Variants in KATNIP observed in about 807,000 individuals in gnomAD.
The protein encoded by KATNIP is katanin-interacting protein.
Under a neutral mutation model 174.0 loss-of-function variants are expected in KATNIP, and 126 were observed. The observed-to-expected ratio is 0.72, with a 90% CI of 0.63 to 0.84. The LOEUF is 0.84. Ranked by LOEUF, KATNIP falls within the 40% of genes least tolerant of loss-of-function variation. KATNIP has a pLI of 0.00. For synonymous variants in KATNIP, 810 were observed against 835.7 expected (o/e 0.97, Z 0.53); for missense variants, 1,958 against 2,109.7 (o/e 0.93, Z 1.41).
At chr16:27,678,757 C>T (rs971865366) in intron 7 of KATNIP, among the ~76,000 whole-genome samples, 1 of 152,138 alleles carries the variant, frequency 6.6e-6, no homozygotes, top group Admixed American at 6.5e-5. Context: ...CACGATAGTG[C>T]GGTAAAGCTC....
intron 6 of KATNIP, 107 bp downstream of exon 6, chr16:27,648,842 A>G: frequency 8.0e-7 from 1 of 1,250,072 alleles, no homozygotes. Flanking sequence ...TCTGTCCTTC[A>G]CTCGCCGCTG....
chr16:27,648,085 A>T (rs1319539281), intron 5 of KATNIP, among the ~76,000 whole-genome samples: 1 of 152,170 alleles, frequency 6.6e-6, no homozygotes, highest in African/African-American at 2.4e-5. Context: ...ACTTGAGGCC[A>T]GGAGTTGAAG....
intron 5 of KATNIP, among the ~76,000 whole-genome samples, chr16:27,636,896 C>A (rs764663210): frequency 6.6e-5 from 10 of 152,222 alleles, no homozygotes; most frequent in South Asian, 2.1e-4. Flanking sequence ...CTGCCTGCTG[C>A]TTCAGGTGGG....
intron 12 of KATNIP, 120 bp downstream of exon 12, chr16:27,704,118 C>T: frequency 1.4e-6 from 1 of 732,418 alleles, no homozygotes. Context: ...CCTGTGTTTC[C>T]ACCGCCCCCC....
chr16:27,659,905 A>G, intron 6 of KATNIP: 1 of 525,436 alleles, frequency 1.9e-6, no homozygotes, highest in Non-Finnish European at 2.4e-6. Context: ...ACTTGGACTT[A>G]GAAAACTTTT....
chr16:27,609,667 G>A (rs2075828544), intron 2 of KATNIP, among the ~76,000 whole-genome samples: 1 of 151,374 alleles, frequency 6.6e-6, no homozygotes, highest in South Asian at 2.1e-4. Flanking sequence ...TGGGATTACA[G>A]GCGTGAGCCA....
intron 1 of KATNIP, 30 bp from the exon 2 acceptor site, chr16:27,573,871 A>G: frequency 6.2e-7 from 1 of 1,612,498 alleles, no homozygotes; most frequent in Non-Finnish European, 8.5e-7. Flanking sequence ...AAACAGCCTT[A>G]ATCTTGGTTC....
intron 8 of KATNIP, among the ~76,000 whole-genome samples, chr16:27,696,515 C>A (rs898910118): frequency 6.6e-6 from 1 of 152,068 alleles, no homozygotes; most frequent in Non-Finnish European, 1.5e-5. Flanking sequence ...CCTCAATAGA[C>A]CTCAGTGTCT....
chr16:27,604,757 C>T (rs755984846), intron 2 of KATNIP, among the ~76,000 whole-genome samples: 2 of 152,172 alleles, frequency 1.3e-5, no homozygotes, highest in South Asian at 4.1e-4. Flanking sequence ...CTCTGTGTTT[C>T]CCAGTGTGTG....
intron 15 of KATNIP, among the ~76,000 whole-genome samples, chr16:27,748,332 G>A (rs1389873967): frequency 6.6e-6 from 1 of 152,178 alleles, no homozygotes; most frequent in African/African-American, 2.4e-5. Flanking sequence ...TGTAATCCCA[G>A]CACTGGGATT....
intron 1 of KATNIP, among the ~76,000 whole-genome samples, chr16:27,570,142 G>A (rs989956233): frequency 2.6e-5 from 4 of 152,102 alleles, no homozygotes; most frequent in African/African-American, 7.2e-5. Flanking sequence ...TGCAGAGTTC[G>A]GTTAATAAGA....
At chr16:27,623,016 G>A (rs929292629) in intron 3 of KATNIP, among the ~76,000 whole-genome samples, 1 of 152,112 alleles carries the variant, frequency 6.6e-6, no homozygotes, top group African/African-American at 2.4e-5. Flanking sequence ...GAGCATCCTA[G>A]GTGACCTACA....
intron 6 of KATNIP, 52 bp downstream of exon 6, chr16:27,648,787 C>G: frequency 1.3e-6 from 2 of 1,589,702 alleles, no homozygotes; most frequent in Non-Finnish European, 1.7e-6. Context: ...CGGCGAGGCT[C>G]GGTGCTGCAG....
intron 2 of KATNIP, among the ~76,000 whole-genome samples, chr16:27,588,694 G>A (rs746524060): frequency 5.9e-5 from 9 of 151,538 alleles, no homozygotes; most frequent in Non-Finnish European, 1.2e-4. Context: ...AATTCTTCTC[G>A]GAAAAATTAA....
intron 13 of KATNIP, among the ~76,000 whole-genome samples, chr16:27,714,288 TC>T (rs1470550459): frequency 1.3e-5 from 2 of 152,156 alleles, no homozygotes; most frequent in African/African-American, 4.8e-5. Flanking sequence ...ATATTATGTC[TC>T]CCCAGTTTAT....
chr16:27,698,611 C>A, intron 9 of KATNIP, 111 bp downstream of exon 9: 1 of 1,107,020 alleles, frequency 9.0e-7, no homozygotes, highest in South Asian at 1.8e-5. Context: ...GTGGGCATCG[C>A]TGACCCCAGA....
chr16:27,643,590 C>CAAAAAAAAAAA lies in KATNIP; in HGVS notation c.409-4997_409-4987dup, dbSNP rs562253355. Among the ~76,000 whole-genome samples, 8 of 40,486 alleles carry CAAAAAAAAAAA rather than the reference C, an allele frequency of 2.0e-4. 1 individual carries two copies. Among genetic ancestry groups the CAAAAAAAAAAA allele is most frequent in the Non-Finnish European group, 2.0e-4 (5 of 24,848 alleles). The allele number at this position is 40,486 out of a possible 152,430, so 26.6% of individuals were successfully genotyped here. A position where few individuals can be genotyped will look rare whatever the true frequency, so the allele number is the denominator to read the frequency against. On this transcript the variant is annotated intron_variant, in intron 5 of 27. Coordinates refer to ENST00000261588, the MANE Select transcript of KATNIP (RefSeq NM_015202.5). ...TGGGTAACAGAGTGAGACTCTGTCT[C>CAAAAAAAAAAA]AAAAAAAAAAAAAAAAAAAAAAAAA...
At chr16:27,564,173 G>A (rs781199710) in intron 1 of KATNIP, among the ~76,000 whole-genome samples, 2 of 152,202 alleles carry the variant, frequency 1.3e-5, no homozygotes, top group Non-Finnish European at 2.9e-5. Context: ...AAGTTCAGTT[G>A]AACTGGCTGA....
In KATNIP at chr16:27,777,141, A is replaced by C; in HGVS notation, c.4551+112A>C. ...TTACTTCTCTCTGTTGCAACCCTCA[A>C]CACAAATGCCTGGTCGTCAGATGCA... On this transcript the variant is annotated intron_variant, in intron 25 of 27. Transcript: ENST00000261588. This position sits in a 1 kb window ranked among gnomAD's most constrained non-coding sequence, Gnocchi z 4.4. 1 of 727,076 alleles carries C rather than the reference A, an allele frequency of 1.4e-6. No homozygotes were observed. The highest frequency in any genetic ancestry group is 2.4e-6 in the Non-Finnish European group (1 of 410,826). 45.0% of individuals were successfully genotyped at this position (727,076 alleles called of 1,614,324 possible). A position where few individuals can be genotyped will look rare whatever the true frequency, so the allele number is the denominator to read the frequency against.
Sources: gnomAD v4.1 joint callset for allele counts (sites outside exome capture counted in the v4.1 genomes callset) on GRCh38, gnomAD v4.1.1 for gene constraint, Gnocchi (gnomAD v3.1) non-coding constraint, MANE v1.5 for transcripts, NCBI Gene and HGNC (gene_info 2026-07-23, HGNC 2026-07-21) for gene names.